The following STXBP5L variants were observed in gnomAD, a reference collection of about 807,000 sequenced individuals.
The protein encoded by STXBP5L is syntaxin binding protein 5L.
A neutral mutation model predicts 144.5 loss-of-function variants in STXBP5L; 65 were observed. That is an observed-to-expected ratio of 0.45 (90% CI 0.37 to 0.55). STXBP5L has a LOEUF of 0.55. Ranked by LOEUF, STXBP5L falls within the 20% of genes least tolerant of loss-of-function variation. The pLI, the probability that STXBP5L is intolerant of heterozygous loss-of-function variation, is 0.00. For synonymous variants in STXBP5L, 505 were observed against 469.6 expected (o/e 1.08, Z -0.97); for missense variants, 1,298 against 1,405.5 (o/e 0.92, Z 1.22).
intron 9 of STXBP5L, among the ~76,000 whole-genome samples, chr3:121,192,886 C>G (rs1349868255): frequency 6.6e-6 from 1 of 152,134 alleles, no homozygotes; most frequent in Non-Finnish European, 1.5e-5. Context: ...AAAACCTAGG[C>G]AGTATCATTC....
intron 5 of STXBP5L, among the ~76,000 whole-genome samples, chr3:121,076,352 G>C (rs567010560): frequency 3.3e-5 from 5 of 152,144 alleles, no homozygotes; most frequent in African/African-American, 7.2e-5. Flanking sequence ...TGGTGCATAG[G>C]GGGGTGGACT....
intron 11 of STXBP5L, among the ~76,000 whole-genome samples, chr3:121,225,129 G>A (rs183858793): frequency 1.4e-4 from 21 of 152,084 alleles, no homozygotes; most frequent in Admixed American, 5.2e-4. Flanking sequence ...TGACAGTGCC[G>A]GAAAGGTTTC....
intron 7 of STXBP5L, among the ~76,000 whole-genome samples, chr3:121,131,946 C>T: frequency 6.6e-6 from 1 of 152,172 alleles, no homozygotes; most frequent in East Asian, 1.9e-4. Flanking sequence ...TGCCCTCTTA[C>T]CAGAAACCTT....
At chr3:121,014,558 C>T (rs1560002511) in intron 3 of STXBP5L, among the ~76,000 whole-genome samples, 1 of 152,024 alleles carries the variant, frequency 6.6e-6, no homozygotes, top group East Asian at 1.9e-4. Flanking sequence ...TATTTTTTCA[C>T]TTGTTCATGG....
rs756746175 is a variant in STXBP5L at position 121,415,941 on chromosome 3, G to A, written c.3199G>A (p.Gly1067Arg). 9.9e-6 allele frequency: 16 copies of A among 1,612,534 alleles called. No individual in the cohort carries two copies. In the East Asian group the frequency reaches 1.1e-4, roughly 11 times the overall value. The change falls in exon 25 of 27, where the codon GGA becomes AGA. Residue 1067 changes from glycine to arginine, a missense_variant. Transcript: ENST00000471454. ...TCTCAAGGGACTGTTTGGTGGAAGC[G>A]GACAAACATTTGACAGAGAAGAGCT... The part of the protein sequence containing the change: ...GFLKGLFGGS[G>R]QTFDREELFG...
At chr3:120,982,638 T>C (rs974303474) in intron 3 of STXBP5L, among the ~76,000 whole-genome samples, 2 of 152,182 alleles carry the variant, frequency 1.3e-5, no homozygotes, top group African/African-American at 4.8e-5. Flanking sequence ...TTATCTCAGC[T>C]TTGTGGTGTT....
chr3:121,037,602 T>C (rs968043720), intron 3 of STXBP5L, among the ~76,000 whole-genome samples: 2 of 152,104 alleles, frequency 1.3e-5, no homozygotes, highest in African/African-American at 4.8e-5. Context: ...TCATGAGAGA[T>C]ATTAGTCTGA....
chr3:121,103,713 A>T (rs1381897086), intron 5 of STXBP5L, among the ~76,000 whole-genome samples: 1 of 152,186 alleles, frequency 6.6e-6, no homozygotes, highest in Non-Finnish European at 1.5e-5. Context: ...CAGTATAGAG[A>T]ATATAAAGCT....
chr3:120,964,981 G>GGA (rs1213408089), intron 3 of STXBP5L, among the ~76,000 whole-genome samples: 1 of 152,128 alleles, frequency 6.6e-6, no homozygotes, highest in Non-Finnish European at 1.5e-5. Flanking sequence ...TATATTTACA[G>GGA]TAGTTAGCTC....
chr3:121,360,598 C>T (rs552204037), intron 20 of STXBP5L, among the ~76,000 whole-genome samples: 17 of 152,036 alleles, frequency 1.1e-4, no homozygotes, highest in African/African-American at 3.1e-4. Flanking sequence ...ATGAGGCATG[C>T]GAATACTATC....
chr3:121,019,607 C>T (rs1945399636), intron 3 of STXBP5L, among the ~76,000 whole-genome samples: 1 of 152,144 alleles, frequency 6.6e-6, no homozygotes, highest in South Asian at 2.1e-4. Flanking sequence ...TCTTTGCAGA[C>T]ACTCCCCACC....
intron 20 of STXBP5L, chr3:121,324,636 C>G: frequency 1.6e-6 from 1 of 641,938 alleles, no homozygotes; most frequent in Non-Finnish European, 2.8e-6. Context: ...CATATCTTCA[C>G]AATTTTCTAG....
rs187193543 is a variant in STXBP5L, at chr3:121,036,535, T to A, written c.288-5165T>A. 3.3e-5 allele frequency among the ~76,000 whole-genome samples: 5 copies of A among 152,252 alleles called. No individual in the cohort carries two copies. In the East Asian group the frequency reaches 9.6e-4, roughly 29 times the overall value. On this transcript the variant is annotated intron_variant, in intron 3 of 26. Transcript: ENST00000471454. ...CTAGCATGATAGTAAATAGAAATAA[T>A]GATAGATGATTCTTGCTTTATTCAT...
chr3:121,204,968 A>G (rs1039422174), intron 9 of STXBP5L, among the ~76,000 whole-genome samples: 1 of 152,204 alleles, frequency 6.6e-6, no homozygotes, highest in Non-Finnish European at 1.5e-5. Context: ...CATCATTAAA[A>G]TGATTTTTAA....
At chr3:120,960,909 TA>T (rs200429145) in intron 3 of STXBP5L, among the ~76,000 whole-genome samples, 35 of 147,566 alleles carry the variant, frequency 2.4e-4, no homozygotes, top group South Asian at 8.6e-4. Flanking sequence ...TAAAGTATAA[TA>T]AAAAAAAAAG....
At chr3:120,917,986 G>A (rs986788928) in intron 2 of STXBP5L, among the ~76,000 whole-genome samples, 5 of 152,170 alleles carry the variant, frequency 3.3e-5, no homozygotes, top group Non-Finnish European at 7.3e-5. Context: ...TAAAATTAAT[G>A]TGTTCACAGA....
chr3:120,944,752 G>C (rs1039232745), intron 2 of STXBP5L, among the ~76,000 whole-genome samples: 3 of 151,680 alleles, frequency 2.0e-5, no homozygotes, highest in African/African-American at 4.8e-5. Context: ...AGTTTCATGG[G>C]AACTTGTTAT....
chr3:121,292,887 G>A (rs185985487), intron 19 of STXBP5L, among the ~76,000 whole-genome samples: 1 of 152,164 alleles, frequency 6.6e-6, no homozygotes, highest in African/African-American at 2.4e-5. Flanking sequence ...TCAAGGGAAA[G>A]GGTGGGAGGT....
At chr3:121,075,103 C>A (rs1376884207) in intron 5 of STXBP5L, among the ~76,000 whole-genome samples, 1 of 152,150 alleles carries the variant, frequency 6.6e-6, no homozygotes, top group Non-Finnish European at 1.5e-5. Context: ...TCATAATAAT[C>A]ATTGATTCCT....
Sources: allele counts gnomAD v4.1 joint callset (sites outside exome capture counted in the v4.1 genomes callset), GRCh38; gene constraint gnomAD v4.1.1; transcripts MANE v1.5; gene names NCBI Gene and HGNC (gene_info 2026-07-23, HGNC 2026-07-21).